The following CHLSN variants were observed in gnomAD, a reference collection of about 807,000 sequenced individuals.
CHLSN encodes protein cholesin.
chr7:992,196 G>A, the CHLSN span, among the ~76,000 whole-genome samples: 2 of 152,004 alleles, frequency 1.3e-5, no homozygotes, highest in Non-Finnish European at 1.5e-5. Flanking sequence ...GTACCCCCCC[G>A]CCTCTAGGTC....
chr7:1,035,336 G>A, the CHLSN span, among the ~76,000 whole-genome samples: 2 of 152,244 alleles, frequency 1.3e-5, no homozygotes, highest in Non-Finnish European at 2.9e-5. Flanking sequence ...TTGCATGCAT[G>A]CATCTTTATG....
the CHLSN span, chr7:1,086,869 T>C: frequency 1.3e-5 from 2 of 152,234 alleles, no homozygotes; most frequent in Non-Finnish European, 2.9e-5. Context: ...TTCAAAACAT[T>C]ACAGAGGGAA....
chr7:1,019,230 A>AG, the CHLSN span, among the ~76,000 whole-genome samples: 1 of 104,522 alleles, frequency 9.6e-6, no homozygotes, highest in Admixed American at 1.0e-4. Context: ...GGGGAGTGAA[A>AG]GGGAGGGAGG....
At chr7:984,218 C>G in the CHLSN span, among the ~76,000 whole-genome samples, 1 of 152,218 alleles carries the variant, frequency 6.6e-6, no homozygotes, top group Non-Finnish European at 1.5e-5. Flanking sequence ...GGCGAGAGGG[C>G]TCTGTGGGCT....
chr7:1,010,651 G>A, the CHLSN span, among the ~76,000 whole-genome samples: 1 of 152,202 alleles, frequency 6.6e-6, no homozygotes, highest in Non-Finnish European at 1.5e-5. Context: ...GGGACAGGGA[G>A]GGGGCCAAGA....
the CHLSN span, among the ~76,000 whole-genome samples, chr7:991,479 G>A: frequency 6.6e-6 from 1 of 151,910 alleles, no homozygotes; most frequent in Non-Finnish European, 1.5e-5. Context: ...TGTGGGGCGG[G>A]CAGGAGGGAA....
chr7:983,870 G>A, the CHLSN span, among the ~76,000 whole-genome samples: 1 of 152,254 alleles, frequency 6.6e-6, no homozygotes, highest in Non-Finnish European at 1.5e-5. Flanking sequence ...AGGGTACGGG[G>A]ACACGGCACG....
the CHLSN span, chr7:1,058,316 C>T: frequency 0.066 from 51,360 of 776,406 alleles, 2,022 homozygotes; most frequent in Admixed American, 0.12. Flanking sequence ...AGCCCGTGGA[C>T]GCACACTACC....
chr7:1,071,197 G>A, the CHLSN span, among the ~76,000 whole-genome samples: 7 of 152,246 alleles, frequency 4.6e-5, no homozygotes, highest in Admixed American at 6.5e-5. Flanking sequence ...TCAAATTTAA[G>A]TCAATCTTTT....
At chr7:1,057,227 A>C in the CHLSN span, among the ~76,000 whole-genome samples, 3 of 152,122 alleles carry the variant, frequency 2.0e-5, no homozygotes, top group Non-Finnish European at 4.4e-5. Flanking sequence ...GTGGGCTCTG[A>C]GAATGTGGGG....
the CHLSN span, among the ~76,000 whole-genome samples, chr7:1,070,728 A>C: frequency 6.6e-6 from 1 of 150,446 alleles, no homozygotes; most frequent in Non-Finnish European, 1.5e-5. Flanking sequence ...ACGCGCACAC[A>C]TGCACGCACA....
the CHLSN span, among the ~76,000 whole-genome samples, chr7:1,097,268 T>G: frequency 1.3e-5 from 2 of 152,100 alleles, no homozygotes; most frequent in African/African-American, 4.8e-5. This position sits in a 1 kb window ranked among gnomAD's most constrained non-coding sequence, Gnocchi z 4.3. Flanking sequence ...ATGGCTGATT[T>G]GGGCCGGGGC....
At chr7:1,018,327 C>T in the CHLSN span, among the ~76,000 whole-genome samples, 2 of 152,252 alleles carry the variant, frequency 1.3e-5, no homozygotes, top group African/African-American at 4.8e-5. Context: ...TCTCACTCCA[C>T]AGCTTTGAAA....
chr7:985,279 CTCA>C, the CHLSN span: 1 of 1,551,756 alleles, frequency 6.4e-7, no homozygotes, highest in Non-Finnish European at 8.7e-7. Context: ...CCTGCTGGGT[CTCA>C]TCGATGAGGT....
At chr7:984,696 C>A in the CHLSN span, 1 of 1,387,186 alleles carries the variant, frequency 7.2e-7, no homozygotes, top group Non-Finnish European at 9.6e-7. Context: ...CAGGCAGGAG[C>A]TGGGCCTCCG....
At chr7:1,105,410 GAAC>G in the CHLSN span, among the ~76,000 whole-genome samples, 1 of 152,328 alleles carries the variant, frequency 6.6e-6, no homozygotes, top group South Asian at 2.1e-4. Context: ...AGGTGCTTGA[GAAC>G]AACAGGGGCT....
chr7:1,136,221 CATATATAAATATATAAAAT>C, the CHLSN span, among the ~76,000 whole-genome samples: 21 of 104,254 alleles, frequency 2.0e-4, no homozygotes, highest in African/African-American at 8.0e-4. Flanking sequence ...TATATATAAA[CATATATAAATATATAAAAT>C]ATATATAAAT....
the CHLSN span, among the ~76,000 whole-genome samples, chr7:1,131,253 A>G: frequency 6.6e-6 from 1 of 151,920 alleles, no homozygotes; most frequent in Admixed American, 6.6e-5. Flanking sequence ...GCAGCAGTTT[A>G]AAAAGCATGA....
chr7:1,015,282 G>T, the CHLSN span, among the ~76,000 whole-genome samples: 1 of 152,134 alleles, frequency 6.6e-6, no homozygotes, highest in East Asian at 1.9e-4. Context: ...AGCAGGTGTG[G>T]GCTCCCCGTC....
Sources: gnomAD v4.1 joint callset for allele counts (sites outside exome capture counted in the v4.1 genomes callset) on GRCh38, gnomAD v4.1.1 for gene constraint, Gnocchi (gnomAD v3.1) non-coding constraint, MANE v1.5 for transcripts, NCBI Gene and HGNC (gene_info 2026-07-23, HGNC 2026-07-21) for gene names.